Variants in CDH12 observed in about 807,000 individuals in gnomAD.
CDH12 encodes the protein cadherin 12.
Under a neutral mutation model 74.1 loss-of-function variants are expected in CDH12, and 41 were observed. The observed-to-expected ratio is 0.55, with a 90% CI of 0.43 to 0.72. CDH12 has a LOEUF of 0.72. CDH12 is among the 30% of genes least tolerant of loss of function. CDH12 has a pLI of 0.00. For synonymous variants in CDH12, 399 were observed against 355.0 expected, an observed-to-expected ratio of 1.12 and a Z score of -1.39; for missense variants, 945 against 977.2, an observed-to-expected ratio of 0.97 and a Z score of 0.44.
At chr5:22,105,698 A>G (rs1481480074) in intron 4 of CDH12, among the ~76,000 whole-genome samples, 1 of 145,346 alleles carries the variant, frequency 6.9e-6, no homozygotes, top group African/African-American at 2.5e-5. Flanking sequence ...ATTCTGTTAA[A>G]AAATAAAATA....
chr5:21,882,638 C>T, intron 6 of CDH12: 1 of 1,606,420 alleles, frequency 6.2e-7, no homozygotes, highest in Non-Finnish European at 8.5e-7. Flanking sequence ...GTCCAGGGTA[C>T]TGGCTCCTCA....
intron 10 of CDH12, among the ~76,000 whole-genome samples, chr5:21,794,442 A>C (rs1041206405): frequency 5.3e-5 from 8 of 151,698 alleles, no homozygotes; most frequent in Non-Finnish European, 5.9e-5. Flanking sequence ...GCAGTATACC[A>C]CAGTTGTGAA....
intron 4 of CDH12, among the ~76,000 whole-genome samples, chr5:22,127,424 C>A (rs1290468222): frequency 3.3e-5 from 5 of 150,768 alleles, no homozygotes; most frequent in African/African-American, 1.2e-4. Flanking sequence ...TTGCAGTGTG[C>A]CAAGACCGCA....
intron 1 of CDH12, among the ~76,000 whole-genome samples, chr5:22,665,869 A>G (rs1740586466): frequency 6.6e-6 from 1 of 152,090 alleles, no homozygotes; most frequent in Non-Finnish European, 1.5e-5. Flanking sequence ...TCTTCCAAGC[A>G]GTTATTTAAT....
At chr5:21,960,964 A>G (rs1314901803) in intron 6 of CDH12, among the ~76,000 whole-genome samples, 1 of 152,190 alleles carries the variant, frequency 6.6e-6, no homozygotes, top group African/African-American at 2.4e-5. Context: ...CCGAGACTAC[A>G]TAGTCCTTCA....
intron 10 of CDH12, among the ~76,000 whole-genome samples, chr5:21,784,390 A>G (rs1414411409): frequency 1.3e-5 from 2 of 152,110 alleles, no homozygotes; most frequent in African/African-American, 2.4e-5. Context: ...AAATGTCTGC[A>G]GAATAGTATT....
At chr5:21,934,673 T>C (rs1226061037) in intron 6 of CDH12, among the ~76,000 whole-genome samples, 2 of 152,240 alleles carry the variant, frequency 1.3e-5, no homozygotes, top group African/African-American at 4.8e-5. Flanking sequence ...ATGTATACCA[T>C]AAGGAAGCAC....
At chr5:22,287,746 T>C (rs1737221460) in intron 3 of CDH12, among the ~76,000 whole-genome samples, 1 of 149,072 alleles carries the variant, frequency 6.7e-6, no homozygotes, top group African/African-American at 2.5e-5. Flanking sequence ...AAAAAATGTA[T>C]AACAATATTT....
chr5:22,153,741 T>G (rs1200868771), intron 4 of CDH12, among the ~76,000 whole-genome samples: 2 of 149,244 alleles, frequency 1.3e-5, no homozygotes, highest in East Asian at 2.0e-4. Flanking sequence ...GTATTTTTAA[T>G]TAAAACATGT....
intron 3 of CDH12, among the ~76,000 whole-genome samples, chr5:22,366,271 T>C (rs1208542777): frequency 1.3e-5 from 2 of 152,090 alleles, no homozygotes; most frequent in African/African-American, 4.8e-5. Flanking sequence ...TCTATTTATC[T>C]AGAAAATATT....
intron 1 of CDH12, among the ~76,000 whole-genome samples, chr5:22,753,249 G>T (rs1745687695): frequency 6.6e-6 from 1 of 151,782 alleles, no homozygotes; most frequent in Non-Finnish European, 1.5e-5. Context: ...TAGAAGATGA[G>T]GTGGTGATGA....
chr5:21,932,394 AT>A (rs1313679804), intron 6 of CDH12, among the ~76,000 whole-genome samples: 75 of 152,242 alleles, frequency 4.9e-4, no homozygotes, highest in African/African-American at 1.7e-3. Context: ...AAACACAAAC[AT>A]AAATCATTGT....
intron 3 of CDH12, among the ~76,000 whole-genome samples, chr5:22,309,891 A>G (rs1738304522): frequency 6.6e-6 from 1 of 150,906 alleles, no homozygotes; most frequent in African/African-American, 2.4e-5. Flanking sequence ...CCAAAATTGT[A>G]TCTTAAATCC....
intron 5 of CDH12, among the ~76,000 whole-genome samples, chr5:22,069,182 C>CA (rs1229454695): frequency 3.3e-5 from 5 of 152,160 alleles, no homozygotes; most frequent in South Asian, 2.1e-4. Context: ...TCATGACACT[C>CA]ACTTCACAGC....
chr5:22,469,138 C>G (rs746257848), intron 2 of CDH12, among the ~76,000 whole-genome samples: 3 of 152,188 alleles, frequency 2.0e-5, no homozygotes, highest in Non-Finnish European at 4.4e-5. Flanking sequence ...ACCACTGCTC[C>G]TGCATAGCAC....
intron 5 of CDH12, among the ~76,000 whole-genome samples, chr5:21,980,215 C>T (rs539656546): frequency 1.4e-4 from 21 of 149,542 alleles, no homozygotes; most frequent in Non-Finnish European, 1.2e-4. Flanking sequence ...GAAATGCCAT[C>T]AAGTTACCAG....
intron 5 of CDH12, among the ~76,000 whole-genome samples, chr5:21,985,765 A>T (rs1448619105): frequency 6.6e-6 from 1 of 152,146 alleles, no homozygotes; most frequent in African/African-American, 2.4e-5. Context: ...GCTAATACTT[A>T]TTCTGAGCTC....
chr5:22,351,800 C>T (rs920138202), intron 3 of CDH12, among the ~76,000 whole-genome samples: 1 of 152,116 alleles, frequency 6.6e-6, no homozygotes, highest in Non-Finnish European at 1.5e-5. Flanking sequence ...GAACATTTTT[C>T]TTGTCCAGCT....
chr5:22,754,400 A>G (rs955650823), intron 1 of CDH12, among the ~76,000 whole-genome samples: 4 of 152,190 alleles, frequency 2.6e-5, no homozygotes, highest in Admixed American at 6.5e-5. Flanking sequence ...AGACAAGTGA[A>G]CAGGCAGATG....
Sources: allele counts gnomAD v4.1 joint callset (sites outside exome capture counted in the v4.1 genomes callset), GRCh38; gene constraint gnomAD v4.1.1; transcripts MANE v1.5; gene names NCBI Gene and HGNC (gene_info 2026-07-23, HGNC 2026-07-21).